Variants in AP1M1 observed in about 807,000 individuals in gnomAD.
AP1M1 encodes the protein AP-1 complex subunit mu-1.
A neutral mutation model predicts 57.1 loss-of-function variants in AP1M1; 18 were observed. The ratio of observed to expected loss-of-function variants is 0.32; its 90% CI spans 0.22 to 0.47. The LOEUF (loss-of-function observed/expected upper bound fraction) is 0.47, where lower values mean the gene tolerates loss of function less well. AP1M1 is among the 20% of genes least tolerant of loss of function. AP1M1 has a pLI of 1.00. For synonymous variants in AP1M1, 241 were observed against 237.9 expected, an observed-to-expected ratio of 1.01 and a Z score of -0.12; for missense variants, 362 against 593.5, an observed-to-expected ratio of 0.61 and a Z score of 4.05.
rs2091622373 is a variant in AP1M1, at chr19:16,235,779, A to G, written c.*1344A>G. The G allele has an allele frequency of 6.6e-6, 1 of 152,250 alleles. No homozygotes were observed. Among genetic ancestry groups the G allele is most frequent in the South Asian group, 2.1e-4 (1 of 4,836 alleles). The allele number at this position is 152,250 out of a possible 1,614,324, so 9.4% of individuals were successfully genotyped here. A position where few individuals can be genotyped will look rare whatever the true frequency, so the allele number is the denominator to read the frequency against. On this transcript the variant is annotated 3_prime_UTR_variant, in exon 12 of 12. Coordinates refer to ENST00000291439, the MANE Select transcript of AP1M1 (RefSeq NM_032493.4). ...CGGAAAACATTAACAAGGCCCCCAG[A>G]TGCTTCTTCTGTGAACTGCTACTTG...
In AP1M1 at chr19:16,223,589, G is replaced by A. The variant is rs115126192; in HGVS notation, c.547-2832G>A. On this transcript the variant is annotated intron_variant, in intron 5 of 11. Coordinates refer to ENST00000291439, the MANE Select transcript of AP1M1 (RefSeq NM_032493.4). ...TGGGGCATGAGGAACAGGGGAGATG[G>A]GGGGCTTCTGTGTTTTCCAGGAGAG... 3.7e-3 allele frequency among the ~76,000 whole-genome samples: 566 copies of A among 152,328 alleles called. 4 individuals are homozygous for A. Among genetic ancestry groups the A allele is most frequent in the African/African-American group, 0.013 (534 of 41,558 alleles).
At chr19:16,213,447 C>T (rs530528391) in intron 5 of AP1M1, among the ~76,000 whole-genome samples, 16 of 152,116 alleles carry the variant, frequency 1.1e-4, no homozygotes, top group African/African-American at 3.9e-4. Flanking sequence ...GTAGATTTTT[C>T]TCCATTTCTT....
intron 9 of AP1M1, among the ~76,000 whole-genome samples, chr19:16,229,905 C>T (rs1298313133): frequency 6.6e-6 from 1 of 152,236 alleles, no homozygotes; most frequent in East Asian, 1.9e-4. Flanking sequence ...CTGGTATTGA[C>T]TGTCTTCTTG....
chr19:16,231,287 CAAA>C (rs1231125818), intron 9 of AP1M1, among the ~76,000 whole-genome samples: 1 of 115,168 alleles, frequency 8.7e-6, no homozygotes, highest in African/African-American at 4.3e-5. Context: ...GACTCTGTCT[CAAA>C]AAAAAAAAAA....
chr19:16,232,347 C>T lies in AP1M1; in HGVS notation c.1048-1146C>T, dbSNP rs118152002. 3.4e-4 allele frequency among the ~76,000 whole-genome samples: 52 copies of T among 152,370 alleles called. No individual in the cohort carries two copies. In the East Asian group the frequency reaches 4.2e-3, roughly 12 times the overall value. On this transcript the variant is annotated intron_variant, in intron 9 of 11. Coordinates refer to ENST00000291439, the MANE Select transcript of AP1M1 (RefSeq NM_032493.4). ...CTCATCGAGAGCAGAATTAAACCCA[C>T]TCGGCTCAACGTGACGACACAGGCT...
At chr19:16,210,806 C>T (rs1335947169) in intron 5 of AP1M1, among the ~76,000 whole-genome samples, 4 of 151,970 alleles carry the variant, frequency 2.6e-5, no homozygotes, top group South Asian at 4.1e-4. Context: ...ATGATCCACC[C>T]GCCTCTGCCT....
chr19:16,222,202 A>ATTTTTTTTT (rs1406563931), intron 5 of AP1M1, among the ~76,000 whole-genome samples: 1 of 57,626 alleles, frequency 1.7e-5, no homozygotes, highest in African/African-American at 4.5e-5. Flanking sequence ...TATTACTATT[A>ATTTTTTTTT]TTATTATTAT....
rs1039915155 is a variant in AP1M1 at position 16,243,597 on chromosome 19, C to T, written c.*9162C>T. ...AGCCAATATGAGAGATTTTAAAGCA[C>T]ATTTTTCAATCACCATGTGTCAAAG... On this transcript the variant is annotated 3_prime_UTR_variant, in exon 12 of 12. Coordinates refer to ENST00000291439, the MANE Select transcript of AP1M1 (RefSeq NM_032493.4). 1 of 151,972 alleles carries T rather than the reference C, an allele frequency of 6.6e-6. No individual in the cohort carries two copies. 9.4% of individuals were successfully genotyped at this position (151,972 alleles called of 1,614,324 possible).
At chr19:16,216,228 A>G (rs1328404215) in intron 5 of AP1M1, among the ~76,000 whole-genome samples, 9 of 152,104 alleles carry the variant, frequency 5.9e-5, no homozygotes, top group Admixed American at 5.2e-4. Context: ...GGCGGATCAC[A>G]AGGTCAGGAG....
rs1358304487 is a variant in AP1M1 at position 16,227,134 on chromosome 19, A to G, written c.674-414A>G. On this transcript the variant is annotated intron_variant, in intron 6 of 11. Transcript: ENST00000291439. This position sits in a 1 kb window ranked among gnomAD's most constrained non-coding sequence, Gnocchi z 6.2. ...GGCAGCTCCCCGCCTGGGGCTGGGCAGGGCCCCACCCACATAGCCCTCAGT... is the reference window on the plus strand; with the variant it reads ...GGCAGCTCCCCGCCTGGGGCTGGGCGGGGCCCCACCCACATAGCCCTCAGT... 6.6e-6 allele frequency among the ~76,000 whole-genome samples: 1 copy of G among 152,024 alleles called. No homozygotes were observed. Among genetic ancestry groups the G allele is most frequent in the East Asian group, 1.9e-4 (1 of 5,156 alleles).
chr19:16,206,545 G>A lies in AP1M1; in HGVS notation c.267+137G>A, dbSNP rs879110953. On this transcript the variant is annotated intron_variant, in intron 3 of 11. Transcript: ENST00000291439. The surrounding 1 kb of genome is among the most constrained non-coding windows in gnomAD (Gnocchi z 4.3). ...ACTGGGGCTGGAAGCCCAGGAAGTGGGAAAGGGGAGTCCCAACTCCCCACG... is the reference window on the plus strand; with the variant it reads ...ACTGGGGCTGGAAGCCCAGGAAGTGAGAAAGGGGAGTCCCAACTCCCCACG... The A allele has an allele frequency of 4.6e-6, 4 of 865,448 alleles. No individual in the cohort carries two copies. In the South Asian group the frequency reaches 4.7e-5, roughly 10 times the overall value. 53.6% of individuals were successfully genotyped at this position (865,448 alleles called of 1,614,324 possible). A position where few individuals can be genotyped will look rare whatever the true frequency, so the allele number is the denominator to read the frequency against.
intron 1 of AP1M1, among the ~76,000 whole-genome samples, chr19:16,200,891 C>T (rs552892323): frequency 2.6e-5 from 4 of 152,318 alleles, no homozygotes; most frequent in East Asian, 1.9e-4. Flanking sequence ...CTCAGGCCTA[C>T]GCGTGCCTCC....
intron 5 of AP1M1, among the ~76,000 whole-genome samples, chr19:16,221,025 T>C (rs1288688216): frequency 1.3e-5 from 2 of 152,270 alleles, no homozygotes; most frequent in African/African-American, 4.8e-5. Context: ...GTGTTTCTAC[T>C]GTTTGGGATT....
chr19:16,218,179 C>T (rs1026884676), intron 5 of AP1M1, among the ~76,000 whole-genome samples: 4 of 152,240 alleles, frequency 2.6e-5, no homozygotes, highest in Admixed American at 6.5e-5. Context: ...GGGGTAGCCC[C>T]GCTCCATAGG....
intron 9 of AP1M1, among the ~76,000 whole-genome samples, chr19:16,232,709 G>A (rs2091604259): frequency 6.6e-6 from 1 of 152,230 alleles, no homozygotes; most frequent in Admixed American, 6.5e-5. Context: ...GGCAGAAACA[G>A]CCCTAGGCGG....
chr19:16,229,074 A>ATT, intron 9 of AP1M1, 146 bp downstream of exon 9: 1 of 966,804 alleles, frequency 1.0e-6, no homozygotes, highest in Non-Finnish European at 1.5e-6. Flanking sequence ...GGGTGGACGG[A>ATT]GAGCTGAGGA....
At chr19:16,216,263 G>A (rs1463449714) in intron 5 of AP1M1, among the ~76,000 whole-genome samples, 1 of 152,166 alleles carries the variant, frequency 6.6e-6, no homozygotes, top group African/African-American at 2.4e-5. Flanking sequence ...GGTGAACACA[G>A]TGAAACCCCA....
intron 5 of AP1M1, among the ~76,000 whole-genome samples, chr19:16,224,867 C>T (rs2091564330): frequency 1.3e-5 from 2 of 152,144 alleles, no homozygotes; most frequent in South Asian, 4.1e-4. Flanking sequence ...GTCCCGAGCT[C>T]CTGAGCCTCC....
Position 16,228,013 on chromosome 19 carries a change from C to G in AP1M1, c.817-124C>G. ...CCTCCCTGACGCTGGCTGTACGCTC[C>G]CTGCAGGGCTCTGGGCCCACACCTG... On this transcript the variant is annotated intron_variant, in intron 7 of 11. Coordinates refer to ENST00000291439, the MANE Select transcript of AP1M1 (RefSeq NM_032493.4). The surrounding 1 kb of genome is among the most constrained non-coding windows in gnomAD (Gnocchi z 5.0). The G allele has an allele frequency of 9.6e-7, 1 of 1,044,808 alleles. No individual in the cohort carries two copies. Among genetic ancestry groups the G allele is most frequent in the Non-Finnish European group, 1.4e-6 (1 of 699,990 alleles). 64.7% of individuals were successfully genotyped at this position (1,044,808 alleles called of 1,614,324 possible). A position where few individuals can be genotyped will look rare whatever the true frequency, so the allele number is the denominator to read the frequency against.
Sources: gnomAD v4.1 joint callset for allele counts (sites outside exome capture counted in the v4.1 genomes callset) on GRCh38, gnomAD v4.1.1 for gene constraint, Gnocchi (gnomAD v3.1) non-coding constraint, MANE v1.5 for transcripts, NCBI Gene and HGNC (gene_info 2026-07-23, HGNC 2026-07-21) for gene names.